KIF1B: variants seen among roughly 807,000 people sequenced by gnomAD.
KIF1B encodes kinesin family member 1B, also known as kinesin-like protein KIF1B.
In KIF1B, 76 loss-of-function variants were observed where a neutral mutation model predicts 241.9. The observed-to-expected ratio is 0.31, with a 90% CI of 0.26 to 0.38. KIF1B has a LOEUF of 0.38. Among genes scored for constraint, KIF1B ranks in the 10% least tolerant of loss-of-function variants. The pLI, the probability that KIF1B is intolerant of heterozygous loss-of-function variation, is 1.00. For synonymous variants in KIF1B, 750 were observed against 796.7 expected, an observed-to-expected ratio of 0.94 and a Z score of 0.99; for missense variants, 1,622 against 2,271.4, an observed-to-expected ratio of 0.71 and a Z score of 5.81.
chr1:10,272,207 T>A (rs570833189), intron 8 of KIF1B, 34 bp from the exon 9 acceptor site: 2 of 1,239,254 alleles, frequency 1.6e-6, no homozygotes, highest in Non-Finnish European at 2.4e-6. Context: ...GTAGAAATTC[T>A]TCATCATTCT....
rs1409318308 is a variant in KIF1B, at chr1:10,361,707, C to A, written c.4186C>A (p.Gln1396Lys). 1 of 1,613,994 alleles carries A rather than the reference C, an allele frequency of 6.2e-7. No homozygotes were observed. The highest frequency in any genetic ancestry group is 8.5e-7 in the Non-Finnish European group (1 of 1,180,032). ...CTGCTTTCAGCTGGATCATTGCATC[C>A]AGCCGGCTGTCATCACCAAGGATGT... The part of the protein sequence containing the change: ...SAYLELDHCI[Q>K]PAVITKDVCM... The change falls in exon 40 of 49, where the codon CAG becomes AAG. Residue 1396 changes from glutamine (Q) to lysine (K), a missense_variant. Coordinates refer to ENST00000676179, the MANE Select transcript of KIF1B (RefSeq NM_001365951.3).
rs572251659 is a variant in KIF1B, at chr1:10,259,153, CT to C, written c.363+496del. Among the ~76,000 whole-genome samples the C allele has an allele frequency of 3.5e-3, 464 of 131,674 alleles. 1 individual carries two copies. Among genetic ancestry groups the C allele is most frequent in the African/African-American group, 4.2e-3 (150 of 35,364 alleles). The allele number at this position is 131,674 out of a possible 152,430, so 86.4% of individuals were successfully genotyped here. On this transcript the variant is annotated intron_variant, in intron 4 of 48. Transcript: ENST00000676179. The stretch of plus-strand genomic sequence containing the variant: ...CTTCAAACACTCTGAGATTCTCCCT[CT>C]TTTTTTTTTTTTTTAGAACAGTTAG...
At chr1:10,376,422 G>T in intron 48 of KIF1B, 123 bp from the exon 49 acceptor site, 1 of 924,468 alleles carries the variant, frequency 1.1e-6, no homozygotes. Context: ...ACGGCTTAGA[G>T]GACTAGGCCT....
At chr1:10,262,037 G>C in intron 5 of KIF1B, 67 bp downstream of exon 5, 2 of 1,065,624 alleles carry the variant, frequency 1.9e-6, no homozygotes, top group Non-Finnish European at 1.5e-6. Flanking sequence ...CACTTAAATG[G>C]CTCCAAATTA....
In KIF1B at chr1:10,347,754, T is replaced by A. The variant is rs1317127390; in HGVS notation, c.3798-7T>A. 3 of 1,612,262 alleles carry A rather than the reference T, an allele frequency of 1.9e-6. No homozygotes were observed. Among genetic ancestry groups the A allele is most frequent in the Non-Finnish European group, 2.5e-6 (3 of 1,178,688 alleles). ...TTAGTTTTTTCTTTTGCGTTTCTAT[T>A]TTTTAGGTATATCCCAGCTGTGGTT... is the stretch of plus-strand genomic sequence containing the variant. On this transcript the variant is annotated splice_polypyrimidine_tract_variant and splice_region_variant and intron_variant, in intron 35 of 48. Transcript: ENST00000676179.
Position 10,374,276 on chromosome 1 carries a change from C to T in KIF1B, c.4947-40C>T. ...CAGTATGCCTTGATTGTAACTGATTCTCTTGTTACCCTTTTCTTTCTAATC... is the reference window on the plus strand; with the variant it reads ...CAGTATGCCTTGATTGTAACTGATTTTCTTGTTACCCTTTTCTTTCTAATC... On this transcript the variant is annotated intron_variant, in intron 45 of 48. Coordinates refer to ENST00000676179, the MANE Select transcript of KIF1B (RefSeq NM_001365951.3). This position sits in a 1 kb window ranked among gnomAD's most constrained non-coding sequence, Gnocchi z 4.3. 6.2e-7 allele frequency: 1 copy of T among 1,601,492 alleles called. No homozygotes were observed. Among genetic ancestry groups the T allele is most frequent in the Non-Finnish European group, 8.6e-7 (1 of 1,168,540 alleles).
chr1:10,337,382 A>T lies in KIF1B; in HGVS notation c.3271A>T (p.Ser1091Cys), dbSNP rs753279755. Residue 1091 changes from serine (S) to cysteine (C), a missense_variant, in exon 31 of 49, where the codon AGC becomes TGC. This residue lies in a region of KIF1B where 803 missense variants were observed against 1,112.0 expected (regional missense o/e 0.72). Coordinates refer to ENST00000676179, the MANE Select transcript of KIF1B (RefSeq NM_001365951.3). The surrounding 1 kb of genome is among the most constrained non-coding windows in gnomAD (Gnocchi z 4.0). ...SRINDLDLKS[S>C]TLLDGKMVME... is the part of the protein sequence containing the mutation. ...TTGACCCTCTTTAGATTTGAAGTCA[A>T]GCACTTTGCTGGATGGTAAGATGGT... The T allele has an allele frequency of 6.2e-7, 1 of 1,614,114 alleles. No homozygotes were observed. The highest frequency in any genetic ancestry group is 8.5e-7 in the Non-Finnish European group (1 of 1,180,048).
At chr1:10,341,786 T>C (rs976229295) in intron 32 of KIF1B, among the ~76,000 whole-genome samples, 10 of 151,968 alleles carry the variant, frequency 6.6e-5, no homozygotes, top group African/African-American at 2.4e-4. Context: ...CTGGGAAACA[T>C]AGTGAGATAC....
At chr1:10,306,461 A>C in intron 22 of KIF1B, 1 of 991,306 alleles carries the variant, frequency 1.0e-6, no homozygotes, top group Non-Finnish European at 1.2e-6. Flanking sequence ...TAAAAATAAT[A>C]ATTGCTAGGT....
chr1:10,374,584 C>CT lies in KIF1B; in HGVS notation c.5096+120dup. On this transcript the variant is annotated intron_variant, in intron 46 of 48. Transcript: ENST00000676179. The surrounding 1 kb of genome is among the most constrained non-coding windows in gnomAD (Gnocchi z 4.3). ...AGTCTGATGCAATCTGTACTGTAGTCTGATGCAAGTTGAGTCTGGGGTGAG... is the reference window on the plus strand; with the variant it reads ...AGTCTGATGCAATCTGTACTGTAGTCTTGATGCAAGTTGAGTCTGGGGTGAG... The CT allele has an allele frequency of 8.0e-7, 1 of 1,252,376 alleles. No homozygotes were observed. The highest frequency in any genetic ancestry group is 1.2e-6 in the Non-Finnish European group (1 of 864,472). The allele number at this position is 1,252,376 out of a possible 1,614,324, so 77.6% of individuals were successfully genotyped here. A position where few individuals can be genotyped will look rare whatever the true frequency, so the allele number is the denominator to read the frequency against.
At chr1:10,305,576 A>G (rs1335179927) in intron 22 of KIF1B, 11 of 1,058,714 alleles carry the variant, frequency 1.0e-5, no homozygotes, top group African/African-American at 1.6e-5. Context: ...CTTTTTTCCA[A>G]TAGTTGATGA....
chr1:10,253,675 T>C (rs1390495843), intron 2 of KIF1B, among the ~76,000 whole-genome samples: 1 of 152,184 alleles, frequency 6.6e-6, no homozygotes, highest in Non-Finnish European at 1.5e-5. Flanking sequence ...CAGAAAGTAC[T>C]TATGGCTCAG....
intron 43 of KIF1B, 27 bp from the exon 44 acceptor site, chr1:10,368,440 G>C (rs1638635422): frequency 3.1e-6 from 5 of 1,597,706 alleles, no homozygotes; most frequent in Admixed American, 1.7e-5. Context: ...TTTATGTTCA[G>C]CTTGCACTTC....
At chr1:10,292,159 A>G in intron 17 of KIF1B, 37 bp downstream of exon 17, 4 of 1,555,912 alleles carry the variant, frequency 2.6e-6, no homozygotes, top group South Asian at 1.1e-5. Flanking sequence ...TCAGACAGAG[A>G]CACTTTTTGT....
intron 24 of KIF1B, among the ~76,000 whole-genome samples, chr1:10,322,200 C>T (rs1651550853): frequency 6.6e-6 from 1 of 152,144 alleles, no homozygotes; most frequent in South Asian, 2.1e-4. Flanking sequence ...GTTTGCACCT[C>T]TAAGTTTGGT....
At chr1:10,350,891 G>A (rs1428360614) in intron 37 of KIF1B, among the ~76,000 whole-genome samples, 1 of 152,090 alleles carries the variant, frequency 6.6e-6, no homozygotes, top group Non-Finnish European at 1.5e-5. Flanking sequence ...AAGTTCAGGA[G>A]TTTGAGACTA....
chr1:10,303,671 T>G lies in KIF1B; in HGVS notation c.2115+6425T>G, dbSNP rs778186347. The stretch of plus-strand genomic sequence containing the variant: ...GTTCATATAGACAAGCTGGAAGATA[T>G]TTTGCAAGAAGTCAAAAAGCAAAAT... On this transcript the variant is annotated intron_variant, in intron 22 of 48. Transcript: ENST00000676179. This position sits in a 1 kb window ranked among gnomAD's most constrained non-coding sequence, Gnocchi z 5.2. The G allele has an allele frequency of 1.9e-6, 3 of 1,614,114 alleles. No homozygotes were observed. The highest frequency in any genetic ancestry group is 2.5e-6 in the Non-Finnish European group (3 of 1,180,006).
At chr1:10,302,611 T>C (rs1344569439) in intron 22 of KIF1B, among the ~76,000 whole-genome samples, 1 of 152,218 alleles carries the variant, frequency 6.6e-6, no homozygotes, top group Admixed American at 6.5e-5. Context: ...TCCTACAGCC[T>C]TACTAACCTT....
intron 36 of KIF1B, 101 bp from the exon 37 acceptor site, chr1:10,348,548 C>T: frequency 1.2e-6 from 1 of 837,416 alleles, no homozygotes; most frequent in Non-Finnish European, 2.0e-6. Flanking sequence ...ACCTCTCCTT[C>T]CTGCTCATCC....
Sources: gnomAD v4.1 joint callset for allele counts (sites outside exome capture counted in the v4.1 genomes callset) on GRCh38, gnomAD v4.1.1 for gene constraint, gnomAD v4.1.1 regional missense constraint, Gnocchi (gnomAD v3.1) non-coding constraint, MANE v1.5 for transcripts, NCBI Gene and HGNC (gene_info 2026-07-23, HGNC 2026-07-21) for gene names.